The following SGSM1 variants were observed in gnomAD, a reference collection of about 807,000 sequenced individuals.
SGSM1 encodes the protein small G protein signaling modulator 1.
Under a neutral mutation model 133.8 loss-of-function variants are expected in SGSM1, and 73 were observed. The observed-to-expected ratio is 0.55, with a 90% confidence interval of 0.45 to 0.66. The LOEUF (loss-of-function observed/expected upper bound fraction) is 0.66. Ranked by LOEUF, SGSM1 falls within the 30% of genes least tolerant of loss-of-function variation. The pLI, the probability that SGSM1 is intolerant of heterozygous loss-of-function variation, is 0.00. For synonymous variants in SGSM1, 563 were observed against 573.0 expected (o/e 0.98, Z 0.25); for missense variants, 1,213 against 1,448.1 (o/e 0.84, Z 2.64).
intron 2 of SGSM1, among the ~76,000 whole-genome samples, chr22:24,818,675 G>A (rs1454321605): frequency 6.6e-6 from 1 of 151,888 alleles, no homozygotes; most frequent in Non-Finnish European, 1.5e-5. Context: ...GCGTGGATTA[G>A]GACGTTAAAA....
At chr22:24,882,046 AT>A (rs546426922) in intron 14 of SGSM1, among the ~76,000 whole-genome samples, 204 of 150,718 alleles carry the variant, frequency 1.4e-3, no homozygotes, top group East Asian at 1.2e-3. Flanking sequence ...CAATTTTTGT[AT>A]TTTTTTTTAT....
Position 24,844,942 on chromosome 22 carries a change from G to A in SGSM1, c.109G>A (p.Glu37Lys), listed in dbSNP as rs779526599. ...GGCTGTGACACGCAAGTTTGTCCACGAAGACAGCAGCCACATCATCTCCTT... is the reference window on the plus strand; with the variant it reads ...GGCTGTGACACGCAAGTTTGTCCACAAAGACAGCAGCCACATCATCTCCTT... ...EEAVTRKFVH[E>K]DSSHIISFCA... is the part of the protein sequence containing the mutation. Residue 37 changes from glutamate to lysine, a missense_variant, in exon 3 of 25, where the codon GAA becomes AAA. Coordinates refer to ENST00000400358, the MANE Select transcript of SGSM1 (RefSeq NM_001098497.3). 12 of 1,613,778 alleles carry A rather than the reference G, an allele frequency of 7.4e-6. No individual in the cohort carries two copies. In the South Asian group the frequency reaches 8.8e-5, roughly 12 times the overall value.
intron 2 of SGSM1, among the ~76,000 whole-genome samples, chr22:24,840,806 C>T (rs1929744843): frequency 6.6e-6 from 1 of 151,966 alleles, no homozygotes; most frequent in Admixed American, 6.6e-5. Flanking sequence ...TTATAGCAGC[C>T]CATATTGTGT....
rs111549304 is a variant in SGSM1, at chr22:24,881,513, T to C, written c.1495+1987T>C. 5.3e-3 allele frequency among the ~76,000 whole-genome samples: 785 copies of C among 148,718 alleles called. 8 individuals carry two copies. The highest frequency in any genetic ancestry group is 0.019 in the African/African-American group (764 of 40,472). ...CCTGGGATGCGGAGCTTGCAGTGAG[T>C]TGAGATCGCGCCACTGCACTCCAGC... On this transcript the variant is annotated intron_variant, in intron 14 of 24. Transcript: ENST00000400358.
intron 13 of SGSM1, among the ~76,000 whole-genome samples, chr22:24,877,755 T>C (rs1932095453): frequency 6.6e-6 from 1 of 151,216 alleles, no homozygotes; most frequent in Non-Finnish European, 1.5e-5. Flanking sequence ...ACCATGTGTA[T>C]ACTTTAAAGT....
At chr22:24,872,575 G>A (rs1931818198) in intron 12 of SGSM1, among the ~76,000 whole-genome samples, 1 of 152,054 alleles carries the variant, frequency 6.6e-6, no homozygotes, top group African/African-American at 2.4e-5. Flanking sequence ...AAAATATATT[G>A]CTGGAATTGA....
intron 2 of SGSM1, among the ~76,000 whole-genome samples, chr22:24,828,257 C>T (rs1928906398): frequency 6.6e-6 from 1 of 152,122 alleles, no homozygotes; most frequent in African/African-American, 2.4e-5. Context: ...CAGCAGTGCC[C>T]TTTCCTGGCT....
At position 24,893,639 on chromosome 22, in the gene SGSM1, C is replaced by T. The variant is rs745328197; in HGVS notation, c.1953+26C>T. 9.1e-6 allele frequency: 14 copies of T among 1,531,042 alleles called. No homozygotes were observed. The African/African-American group carries it at 1.4e-4, about 15-fold the overall frequency. The allele number at this position is 1,531,042 out of a possible 1,614,324, so 94.8% of individuals were successfully genotyped here. ...GTGATGGGCGGCTGGCCTCGGGGAG[C>T]GCGGGGGCTGGGGAAGGTCAGGGTC... is the stretch of plus-strand genomic sequence containing the variant. On this transcript the variant is annotated intron_variant, in intron 17 of 24. Coordinates refer to ENST00000400358, the MANE Select transcript of SGSM1 (RefSeq NM_001098497.3).
At position 24,806,294 on chromosome 22, in the gene SGSM1, C is replaced by T. The variant is rs1235004373; in HGVS notation, c.-32C>T. 2.8e-6 allele frequency: 4 copies of T among 1,427,748 alleles called. No individual in the cohort carries two copies. The highest frequency in any genetic ancestry group is 1.5e-5 in the African/African-American group (1 of 66,724). 88.4% of individuals were successfully genotyped at this position (1,427,748 alleles called of 1,614,324 possible). ...CTACCGCCGCCACCGCCGCCACCGC[C>T]TCCTGGGACTCGGAACGCAGCGCTC... is the stretch of plus-strand genomic sequence containing the variant. On this transcript the variant is annotated 5_prime_UTR_variant, in exon 1 of 25. Transcript: ENST00000400358.
chr22:24,829,085 A>C (rs1196206337), intron 2 of SGSM1, among the ~76,000 whole-genome samples: 3 of 151,818 alleles, frequency 2.0e-5, no homozygotes, highest in Admixed American at 6.6e-5. Context: ...AGTCCTAGCT[A>C]CTCGGGAGGC....
intron 2 of SGSM1, chr22:24,844,317 C>G (rs1929967316): frequency 6.6e-6 from 1 of 152,258 alleles, no homozygotes; most frequent in South Asian, 2.1e-4. Context: ...GGGCAGATCA[C>G]TTGAGGTCAG....
chr22:24,868,943 G>GC (rs1931618772), intron 12 of SGSM1, 88 bp downstream of exon 12: 1 of 1,532,656 alleles, frequency 6.5e-7, no homozygotes, highest in Non-Finnish European at 8.8e-7. Flanking sequence ...AAGATGACAG[G>GC]TCTGGATTCT....
intron 14 of SGSM1, among the ~76,000 whole-genome samples, chr22:24,881,694 A>G (rs1018960579): frequency 6.6e-6 from 1 of 152,180 alleles, no homozygotes; most frequent in African/African-American, 2.4e-5. Flanking sequence ...TATCATCGTC[A>G]TCATCATCAT....
At chr22:24,860,932 T>A (rs1601932148) in intron 9 of SGSM1, among the ~76,000 whole-genome samples, 1 of 130,534 alleles carries the variant, frequency 7.7e-6, no homozygotes. Context: ...AATATATATA[T>A]ATATATATAT....
At chr22:24,904,140 A>G (rs1021295227) in intron 20 of SGSM1, among the ~76,000 whole-genome samples, 2 of 152,108 alleles carry the variant, frequency 1.3e-5, no homozygotes, top group Non-Finnish European at 2.9e-5. Flanking sequence ...TTACCTGTCT[A>G]TGCTTCAGTC....
intron 9 of SGSM1, among the ~76,000 whole-genome samples, chr22:24,860,637 T>C (rs1415124534): frequency 6.6e-6 from 1 of 151,786 alleles, no homozygotes; most frequent in East Asian, 1.9e-4. Flanking sequence ...GTGTGGTGGC[T>C]CACACCTGTA....
intron 2 of SGSM1, among the ~76,000 whole-genome samples, chr22:24,839,160 A>G (rs1464531265): frequency 1.3e-5 from 2 of 152,172 alleles, no homozygotes; most frequent in East Asian, 1.9e-4. Context: ...GGCTCAAGCT[A>G]TCCTCCCACC....
chr22:24,852,668 C>G (rs1930549699), intron 5 of SGSM1, among the ~76,000 whole-genome samples: 1 of 152,174 alleles, frequency 6.6e-6, no homozygotes, highest in Admixed American at 6.5e-5. Context: ...GTCTCGAACT[C>G]CTGGCCTCAG....
chr22:24,874,729 T>A, intron 12 of SGSM1: 1 of 1,073,104 alleles, frequency 9.3e-7, no homozygotes, highest in East Asian at 2.6e-5. Context: ...GCCTCCACTC[T>A]ATGGAAGGCA....
Sources: gnomAD v4.1 joint callset for allele counts (sites outside exome capture counted in the v4.1 genomes callset) on GRCh38, gnomAD v4.1.1 for gene constraint, MANE v1.5 for transcripts, NCBI Gene and HGNC (gene_info 2026-07-23, HGNC 2026-07-21) for gene names.